Variants in ZFYVE9 observed in about 807,000 individuals in gnomAD.
The protein encoded by ZFYVE9 is zinc finger FYVE domain-containing protein 9.
ZFYVE9 carries 43 observed loss-of-function variants against 126.7 expected under a neutral mutation model. That is an observed-to-expected ratio of 0.34 (90% CI 0.27 to 0.44). ZFYVE9 has a LOEUF of 0.44. Among genes scored for constraint, ZFYVE9 ranks in the 20% least tolerant of loss-of-function variants. The pLI, the probability that ZFYVE9 is intolerant of heterozygous loss-of-function variation, is 1.00. For synonymous variants in ZFYVE9, 521 were observed against 597.4 expected (o/e 0.87, Z 1.87); for missense variants, 1,476 against 1,697.0 (o/e 0.87, Z 2.29).
chr1:52,268,703 A>T, intron 7 of ZFYVE9, 71 bp downstream of exon 7: 1 of 1,528,042 alleles, frequency 6.5e-7, no homozygotes, highest in Non-Finnish European at 8.9e-7. Context: ...CTGTTGAATT[A>T]CTTTTGTGTG....
intron 4 of ZFYVE9, among the ~76,000 whole-genome samples, chr1:52,262,612 T>C (rs1468726677): frequency 6.6e-6 from 1 of 152,200 alleles, no homozygotes; most frequent in Non-Finnish European, 1.5e-5. Context: ...ATGGGAGATA[T>C]CGAGCTTAAC....
chr1:52,339,355 G>A (rs1458105515), intron 16 of ZFYVE9, among the ~76,000 whole-genome samples: 1 of 151,440 alleles, frequency 6.6e-6, no homozygotes, highest in African/African-American at 2.4e-5. Context: ...TGGTGCGATC[G>A]CAGCTCACTG....
chr1:52,206,644 A>G (rs2124579220), intron 1 of ZFYVE9, among the ~76,000 whole-genome samples: 1 of 152,172 alleles, frequency 6.6e-6, no homozygotes, highest in South Asian at 2.1e-4. Context: ...TCCACCTCCC[A>G]GGTTCAAGCA....
intron 7 of ZFYVE9, among the ~76,000 whole-genome samples, chr1:52,270,466 A>G (rs527494148): frequency 2.5e-4 from 38 of 152,116 alleles, no homozygotes; most frequent in African/African-American, 6.5e-4. Flanking sequence ...GGGTTTCACG[A>G]TGTTAGCCAG....
intron 10 of ZFYVE9, among the ~76,000 whole-genome samples, chr1:52,290,041 A>G (rs1645902830): frequency 6.6e-6 from 1 of 152,244 alleles, no homozygotes; most frequent in African/African-American, 2.4e-5. Flanking sequence ...TGTGAAATAT[A>G]AACATTACAC....
At chr1:52,292,612 C>T (rs1442461786) in intron 10 of ZFYVE9, among the ~76,000 whole-genome samples, 2 of 151,532 alleles carry the variant, frequency 1.3e-5, no homozygotes, top group Non-Finnish European at 2.9e-5. Flanking sequence ...GCTGGGATTA[C>T]AGGCGCACAC....
chr1:52,151,622 TCTC>T (rs1644357338), intron 1 of ZFYVE9, among the ~76,000 whole-genome samples: 1 of 151,696 alleles, frequency 6.6e-6, no homozygotes, highest in Non-Finnish European at 1.5e-5. Context: ...TTCAAGCAAT[TCTC>T]CTGCCTCAGC....
chr1:52,339,408 C>G (rs1410193391), intron 16 of ZFYVE9, among the ~76,000 whole-genome samples: 2 of 152,076 alleles, frequency 1.3e-5, no homozygotes, highest in African/African-American at 2.4e-5. Flanking sequence ...CATGCCTCAG[C>G]CTGCCCAGTA....
chr1:52,322,231 T>G (rs551112411), intron 13 of ZFYVE9, among the ~76,000 whole-genome samples: 1 of 152,252 alleles, frequency 6.6e-6, no homozygotes, highest in South Asian at 2.1e-4. Context: ...TGCCTCTACT[T>G]TCTAAATATA....
Position 52,295,921 on chromosome 1 carries a change from A to C in ZFYVE9, c.3277A>C (p.Arg1093=). Residue 1093 remains arginine (R), a synonymous_variant, in exon 12 of 19, where the codon AGA becomes CGA. Coordinates refer to ENST00000287727, the MANE Select transcript of ZFYVE9 (RefSeq NM_004799.4). ...TTATCCATGCCCACTATTCAGTGTCAGATTTCGGAAGCCATTGTTTGGAGA... is the reference window on the plus strand; with the variant it reads ...TTATCCATGCCCACTATTCAGTGTCCGATTTCGGAAGCCATTGTTTGGAGA... ...RLYPCPLFSV[R]FRKPLFGETG... is the part of the protein sequence containing the mutation. The C allele has an allele frequency of 6.2e-7, 1 of 1,613,802 alleles. No homozygotes were observed.
At chr1:52,309,005 C>T (rs924885794) in intron 13 of ZFYVE9, among the ~76,000 whole-genome samples, 3 of 152,146 alleles carry the variant, frequency 2.0e-5, no homozygotes, top group African/African-American at 4.8e-5. Flanking sequence ...ACTAAAGGTA[C>T]AGAGAAAGTA....
At chr1:52,206,146 T>C (rs1263471243) in intron 1 of ZFYVE9, among the ~76,000 whole-genome samples, 2 of 152,142 alleles carry the variant, frequency 1.3e-5, no homozygotes, top group African/African-American at 4.8e-5. Context: ...TCTCACAGAA[T>C]CCAAAGGCAG....
intron 1 of ZFYVE9, among the ~76,000 whole-genome samples, chr1:52,149,653 C>T (rs1397197603): frequency 1.3e-5 from 2 of 152,140 alleles, no homozygotes; most frequent in African/African-American, 2.4e-5. Context: ...TGCCACCACG[C>T]GTGGCTAATT....
At chr1:52,318,075 C>CA (rs1367669603) in intron 13 of ZFYVE9, among the ~76,000 whole-genome samples, 1 of 151,208 alleles carries the variant, frequency 6.6e-6, no homozygotes, top group Non-Finnish European at 1.5e-5. Flanking sequence ...ATAACAAAAC[C>CA]AAAAAAAGAC....
At chr1:52,210,227 A>G (rs924334185) in intron 1 of ZFYVE9, among the ~76,000 whole-genome samples, 1 of 152,196 alleles carries the variant, frequency 6.6e-6, no homozygotes, top group African/African-American at 2.4e-5. Flanking sequence ...TGCGGTGCCA[A>G]TATATAAGTA....
At chr1:52,172,933 C>A (rs1478318203) in intron 1 of ZFYVE9, among the ~76,000 whole-genome samples, 1 of 152,110 alleles carries the variant, frequency 6.6e-6, no homozygotes, top group African/African-American at 2.4e-5. Flanking sequence ...GATATACAAT[C>A]ATGTCATCTA....
intron 8 of ZFYVE9, among the ~76,000 whole-genome samples, chr1:52,277,575 A>C (rs909359508): frequency 6.6e-6 from 1 of 152,214 alleles, no homozygotes; most frequent in Non-Finnish European, 1.5e-5. Context: ...GATATTTCCC[A>C]TTGTATCCAA....
At chr1:52,161,925 T>C (rs1644463624) in intron 1 of ZFYVE9, among the ~76,000 whole-genome samples, 1 of 149,900 alleles carries the variant, frequency 6.7e-6, no homozygotes, top group African/African-American at 2.5e-5. Flanking sequence ...TAGGAGTTTA[T>C]GTTAGTAAAA....
intron 7 of ZFYVE9, among the ~76,000 whole-genome samples, chr1:52,269,471 T>G (rs1645667161): frequency 6.6e-6 from 1 of 152,180 alleles, no homozygotes; most frequent in South Asian, 2.1e-4. Context: ...TTCATAGAAT[T>G]GTTAGTTACT....
Sources: allele counts gnomAD v4.1 joint callset (sites outside exome capture counted in the v4.1 genomes callset), GRCh38; gene constraint gnomAD v4.1.1; transcripts MANE v1.5; gene names NCBI Gene and HGNC (gene_info 2026-07-23, HGNC 2026-07-21).